NUP98: variants seen among roughly 807,000 people sequenced by gnomAD.
NUP98 encodes the protein nuclear pore complex protein Nup98-Nup96.
In NUP98, 26 loss-of-function variants were observed where a neutral mutation model predicts 191.9. That is an observed-to-expected ratio of 0.14 (90% CI 0.10 to 0.19). The LOEUF (loss-of-function observed/expected upper bound fraction) is 0.19, where lower values mean the gene tolerates loss of function less well. NUP98 is among the 10% of genes least tolerant of loss of function. The pLI, the probability that NUP98 is intolerant of heterozygous loss-of-function variation, is 1.00. For synonymous variants in NUP98, 808 were observed against 778.4 expected (o/e 1.04, Z -0.63); for missense variants, 1,941 against 2,178.8 (o/e 0.89, Z 2.17).
At chr11:3,720,863 A>T in intron 16 of NUP98, 38 bp from the exon 17 acceptor site, 1 of 857,846 alleles carries the variant, frequency 1.2e-6, no homozygotes, top group Non-Finnish European at 1.9e-6. Context: ...AAAAAAAAAT[A>T]ACCTGAAATA....
At chr11:3,750,340 C>T (rs763906311) in intron 11 of NUP98, among the ~76,000 whole-genome samples, 28 of 152,112 alleles carry the variant, frequency 1.8e-4, no homozygotes, top group Non-Finnish European at 3.8e-4. Context: ...AAGTAATCCG[C>T]CCACCTCAGC....
intron 23 of NUP98, among the ~76,000 whole-genome samples, 154 bp downstream of exon 23, chr11:3,702,309 A>ACTCT (rs2078714913): frequency 7.4e-5 from 4 of 53,766 alleles, no homozygotes; most frequent in Non-Finnish European, 1.5e-4. Flanking sequence ...ACACACACAC[A>ACTCT]CACACTCTCT....
At chr11:3,777,056 A>G (rs2133927545) in intron 4 of NUP98, among the ~76,000 whole-genome samples, 1 of 152,290 alleles carries the variant, frequency 6.6e-6, no homozygotes, top group African/African-American at 2.4e-5. Context: ...ATTTACATAC[A>G]TTATAACATA....
intron 25 of NUP98, among the ~76,000 whole-genome samples, chr11:3,695,923 G>A (rs1173763662): frequency 6.6e-6 from 1 of 152,194 alleles, no homozygotes; most frequent in African/African-American, 2.4e-5. Context: ...CCGGCATGGT[G>A]GCTAATGCCT....
chr11:3,714,438 A>T (rs1187123340), intron 18 of NUP98, among the ~76,000 whole-genome samples: 1 of 152,238 alleles, frequency 6.6e-6, no homozygotes, highest in Non-Finnish European at 1.5e-5. Flanking sequence ...GAAGATGACT[A>T]CAAGAGTGGT....
intron 23 of NUP98, among the ~76,000 whole-genome samples, chr11:3,701,910 A>G (rs2078691974): frequency 6.6e-6 from 1 of 151,760 alleles, no homozygotes; most frequent in Non-Finnish European, 1.5e-5. Flanking sequence ...GATGGTCTCA[A>G]TCTCCTGACC....
Position 3,691,525 on chromosome 11 carries a change from C to A in NUP98, c.4312-36G>T, listed in dbSNP as rs2078310226. On this transcript the variant is annotated intron_variant, in intron 27 of 32. Transcript: ENST00000324932. ...AATTTGATAAAACAATACATTAGCT[C>A]CTAATCAGTTTTACTAGATGCCATT... The A allele has an allele frequency of 3.7e-6, 6 of 1,604,596 alleles. No individual in the cohort carries two copies. In the East Asian group the frequency reaches 1.3e-4, roughly 36 times the overall value.
chr11:3,780,515 C>T (rs1416431343), intron 2 of NUP98, among the ~76,000 whole-genome samples: 1 of 133,958 alleles, frequency 7.5e-6, no homozygotes, highest in Admixed American at 8.6e-5. Flanking sequence ...GCACTCCATC[C>T]TGGGTGACAG....
intron 14 of NUP98, among the ~76,000 whole-genome samples, chr11:3,729,741 A>AAG (rs2079769791): frequency 2.1e-5 from 3 of 139,836 alleles, no homozygotes; most frequent in African/African-American, 8.0e-5. Flanking sequence ...AAAAAAAAAA[A>AAG]GGATGACGTT....
At chr11:3,737,702 TA>T (rs1312011840) in intron 12 of NUP98, among the ~76,000 whole-genome samples, 10 of 152,194 alleles carry the variant, frequency 6.6e-5, no homozygotes, top group African/African-American at 2.4e-4. Context: ...AAAGGTTTCT[TA>T]AAATCGATGT....
chr11:3,701,558 A>C (rs1407737772), intron 23 of NUP98, among the ~76,000 whole-genome samples: 1 of 151,950 alleles, frequency 6.6e-6, no homozygotes, highest in Non-Finnish European at 1.5e-5. Flanking sequence ...CCCTTGATCT[A>C]ATTTTTAAGA....
chr11:3,696,328 T>G (rs1377428410), intron 25 of NUP98, among the ~76,000 whole-genome samples: 6 of 151,458 alleles, frequency 4.0e-5, no homozygotes, highest in Non-Finnish European at 5.9e-5. Context: ...ATGATGAAAC[T>G]TTGTCTCTAC....
At chr11:3,728,237 C>T (rs1226559988) in intron 14 of NUP98, among the ~76,000 whole-genome samples, 2 of 152,052 alleles carry the variant, frequency 1.3e-5, no homozygotes, top group Admixed American at 6.6e-5. Flanking sequence ...TGGAGAGAAT[C>T]GTAGATGTGT....
intron 8 of NUP98, among the ~76,000 whole-genome samples, chr11:3,763,242 G>T (rs185637820): frequency 2.6e-4 from 39 of 152,154 alleles, no homozygotes; most frequent in Admixed American, 6.6e-4. Flanking sequence ...TTTAAAACTT[G>T]CCCAAGGTGC....
chr11:3,705,275 C>A lies in NUP98; in HGVS notation c.3007G>T (p.Ala1003Ser). ...GAACAGATTTCTTGAGAAGTATCTG[C>A]TTTGGAAGGCAGGCGACTGAAGCGT... is the stretch of plus-strand genomic sequence containing the variant. ...DQRFSRLPSK[A>S]DTSQEICSPR... Residue 1003 changes from alanine (A) to serine (S), a missense_variant, in exon 22 of 33, where the codon GCA (alanine) becomes TCA (serine). Physicochemically the swap from Ala to Ser is moderately conservative, Grantham distance 99. Around this residue, in one of 6 missense-constraint regions of NUP98, gnomAD observed 1,030 missense variants for 1,115.8 expected, o/e 0.92. Transcript: ENST00000324932. 6.2e-7 allele frequency: 1 copy of A among 1,614,184 alleles called. No homozygotes were observed. The highest frequency in any genetic ancestry group is 2.2e-5 in the East Asian group (1 of 44,890).
intron 18 of NUP98, among the ~76,000 whole-genome samples, chr11:3,715,645 G>A (rs1254522128): frequency 6.6e-6 from 1 of 152,134 alleles, no homozygotes. Flanking sequence ...CAGGAGAGAA[G>A]TGGCATGATC....
chr11:3,738,256 C>T (rs1181060055), intron 12 of NUP98, among the ~76,000 whole-genome samples: 1 of 152,032 alleles, frequency 6.6e-6, no homozygotes, highest in Non-Finnish European at 1.5e-5. Flanking sequence ...AACAAGAAAA[C>T]AAACAAGCAC....
At chr11:3,719,679 A>G in intron 17 of NUP98, 129 bp from the exon 18 acceptor site, 1 of 594,482 alleles carries the variant, frequency 1.7e-6, no homozygotes, top group Non-Finnish European at 2.7e-6. Flanking sequence ...TAATTCAGCA[A>G]TTCCTAGACT....
chr11:3,760,555 G>T lies in NUP98; in HGVS notation c.1158C>A (p.Thr386=). ...STTSAPSFGT[T]SGGLFGFGTN... ...GTTTGTTACCAAAGAGCCCGCCACT[G>T]GTTGTACCAAATGAAGGTGCACTGG... The change falls in exon 10 of 33, where the codon ACC becomes ACA. Residue 386 remains threonine (T), a synonymous_variant. Transcript: ENST00000324932. 3 of 1,613,910 alleles carry T rather than the reference G, an allele frequency of 1.9e-6. No individual in the cohort carries two copies. The highest frequency in any genetic ancestry group is 2.5e-6 in the Non-Finnish European group (3 of 1,179,816).
Sources: allele counts gnomAD v4.1 joint callset (sites outside exome capture counted in the v4.1 genomes callset), GRCh38; gene constraint gnomAD v4.1.1; regional missense constraint gnomAD v4.1.1; transcripts MANE v1.5; gene names NCBI Gene and HGNC (gene_info 2026-07-23, HGNC 2026-07-21).